GALNT1: variants seen among roughly 807,000 people sequenced by gnomAD.
GALNT1 encodes GalNAc transferase 1.
In GALNT1, 17 loss-of-function variants were observed where a neutral mutation model predicts 65.7. The observed-to-expected ratio is 0.26, with a 90% CI of 0.18 to 0.39. The LOEUF (loss-of-function observed/expected upper bound fraction) is 0.39, where lower values mean the gene tolerates loss of function less well. Among genes scored for constraint, GALNT1 ranks in the 10% least tolerant of loss-of-function variants. The pLI is 1.00. For missense variants in GALNT1, 460 were observed against 672.8 expected (o/e 0.68, Z 3.50); for synonymous variants, 210 against 219.7 (o/e 0.96, Z 0.39).
intron 11 of GALNT1, among the ~76,000 whole-genome samples, chr18:35,707,118 G>A (rs1029237593): frequency 6.6e-6 from 1 of 152,090 alleles, no homozygotes; most frequent in Admixed American, 6.5e-5. Flanking sequence ...AGTCTTGCTT[G>A]TATTACATAT....
chr18:35,675,339 G>A lies in GALNT1; in HGVS notation c.315-2252G>A, dbSNP rs184227493. On this transcript the variant is annotated intron_variant, in intron 3 of 11. Coordinates refer to ENST00000269195, the MANE Select transcript of GALNT1 (RefSeq NM_020474.4). ...CTCTATGTTTCCTCATTTGCTTTGA[G>A]AGAATATTAATTTATGAATTTGTTA... Among the ~76,000 whole-genome samples the A allele has an allele frequency of 3.3e-5, 5 of 152,234 alleles. No homozygotes were observed. In the East Asian group the frequency reaches 9.7e-4, roughly 30 times the overall value.
At chr18:35,647,147 C>T (rs1429817755) in intron 1 of GALNT1, among the ~76,000 whole-genome samples, 1 of 152,198 alleles carries the variant, frequency 6.6e-6, no homozygotes. Flanking sequence ...GCTGTAGAGC[C>T]TTTACTATTC....
At chr18:35,587,906 A>G (rs1209428352) in intron 1 of GALNT1, among the ~76,000 whole-genome samples, 1 of 152,150 alleles carries the variant, frequency 6.6e-6, no homozygotes, top group African/African-American at 2.4e-5. Context: ...ACTTTGAGCC[A>G]TGGTATGTTG....
rs370655972 is a variant in GALNT1 at position 35,692,212 on chromosome 18, G to A, written c.1191G>A (p.Ser397=). 84 of 1,610,298 alleles carry A rather than the reference G, an allele frequency of 5.2e-5. No individual in the cohort carries two copies. Among genetic ancestry groups the A allele is most frequent in the Non-Finnish European group, 6.2e-5 (73 of 1,177,574 alleles). ...GVTKVDYGDI[S]SRVGLRHKLQ... is the part of the protein sequence containing the mutation. ...CAAAGGTAGATTATGGAGATATATCGTCAAGAGTTGGTCTAAGACACAAAC... is the reference window on the plus strand; with the variant it reads ...CAAAGGTAGATTATGGAGATATATCATCAAGAGTTGGTCTAAGACACAAAC... The change falls in exon 9 of 12, where the codon TCG becomes TCA. Residue 397 remains serine, a synonymous_variant. Transcript: ENST00000269195.
chr18:35,701,156 T>C (rs961165908), intron 9 of GALNT1, among the ~76,000 whole-genome samples: 1 of 152,066 alleles, frequency 6.6e-6, no homozygotes, highest in African/African-American at 2.4e-5. Context: ...ACTGCAGCCT[T>C]GAACTCTTGG....
In GALNT1 at chr18:35,710,903, T is replaced by C. The variant is rs1429988395; in HGVS notation, c.*1133T>C. On this transcript the variant is annotated 3_prime_UTR_variant, in exon 12 of 12. Coordinates refer to ENST00000269195, the MANE Select transcript of GALNT1 (RefSeq NM_020474.4). ...ACCTTTTTCACTCCATACTCAGATA[T>C]GCTTCATTGTCAAATGCATATTTAG... is the stretch of plus-strand genomic sequence containing the variant. The C allele has an allele frequency of 1.3e-5, 2 of 152,698 alleles. No individual in the cohort carries two copies. The highest frequency in any genetic ancestry group is 2.9e-5 in the Non-Finnish European group (2 of 68,046). The allele number at this position is 152,698 out of a possible 1,614,324, so 9.5% of individuals were successfully genotyped here. A position where few individuals can be genotyped will look rare whatever the true frequency, so the allele number is the denominator to read the frequency against.
chr18:35,601,301 GT>G (rs1277053873), intron 1 of GALNT1, among the ~76,000 whole-genome samples: 3 of 151,768 alleles, frequency 2.0e-5, no homozygotes, highest in Non-Finnish European at 4.4e-5. Flanking sequence ...TTGTTTTTCA[GT>G]TTTGATTTTA....
At chr18:35,653,547 C>T (rs2047337084) in intron 1 of GALNT1, among the ~76,000 whole-genome samples, 1 of 152,200 alleles carries the variant, frequency 6.6e-6, no homozygotes. Context: ...TTCCTCACTC[C>T]ACTTCATAGG....
At chr18:35,686,718 G>T (rs192703407) in intron 5 of GALNT1, among the ~76,000 whole-genome samples, 3 of 151,962 alleles carry the variant, frequency 2.0e-5, no homozygotes, top group Admixed American at 2.0e-4. Flanking sequence ...GAAGATTAAA[G>T]TCTTAAATAT....
At chr18:35,645,851 T>A (rs947881615) in intron 1 of GALNT1, among the ~76,000 whole-genome samples, 20 of 152,326 alleles carry the variant, frequency 1.3e-4, no homozygotes, top group East Asian at 1.9e-4. Context: ...ATTAAAGAAT[T>A]CCCTTTCTAG....
At chr18:35,615,835 A>G (rs567688945) in intron 1 of GALNT1, among the ~76,000 whole-genome samples, 1 of 152,342 alleles carries the variant, frequency 6.6e-6, no homozygotes, top group Non-Finnish European at 1.5e-5. Flanking sequence ...CAAAATTGTA[A>G]AAGTTGGACA....
At chr18:35,680,504 A>G (rs1183152309) in intron 4 of GALNT1, among the ~76,000 whole-genome samples, 1 of 152,216 alleles carries the variant, frequency 6.6e-6, no homozygotes, top group Non-Finnish European at 1.5e-5. Context: ...AGTGCCTGTT[A>G]TATAACAACA....
In GALNT1 at chr18:35,703,576, A is replaced by G. The variant is rs2048203524; in HGVS notation, c.1466A>G (p.Asn489Ser). The change falls in exon 11 of 12, where the codon AAT becomes AGT. Residue 489 changes from asparagine (N) to serine (S), a missense_variant. Coordinates refer to ENST00000269195, the MANE Select transcript of GALNT1 (RefSeq NM_020474.4). ...CTTTGCTTGGATGTTTCCAAACTTA[A>G]TGGCCCAGTTACAATGCTCAAATGC... ...DDLCLDVSKLNGPVTMLKCHH... is the reference protein window; with the variant it reads ...DDLCLDVSKLSGPVTMLKCHH... 1.2e-6 allele frequency: 2 copies of G among 1,613,888 alleles called. No homozygotes were observed. The highest frequency in any genetic ancestry group is 2.2e-5 in the East Asian group (1 of 44,870).
intron 1 of GALNT1, among the ~76,000 whole-genome samples, 184 bp downstream of exon 1, chr18:35,582,046 C>G (rs1439602705): frequency 6.6e-6 from 1 of 152,024 alleles, no homozygotes; most frequent in Admixed American, 6.5e-5. Flanking sequence ...GTTGGACACG[C>G]GGCGTCTCTG....
intron 1 of GALNT1, among the ~76,000 whole-genome samples, chr18:35,591,096 A>G (rs2046438253): frequency 6.6e-6 from 1 of 152,300 alleles, no homozygotes; most frequent in South Asian, 2.1e-4. Context: ...AGGGAAGAAA[A>G]GGGTGGTTAA....
intron 1 of GALNT1, among the ~76,000 whole-genome samples, chr18:35,615,786 C>T (rs1477263257): frequency 6.6e-6 from 1 of 152,132 alleles, no homozygotes; most frequent in Non-Finnish European, 1.5e-5. Flanking sequence ...AGCCAGTAAA[C>T]AGTTGTTTTC....
At chr18:35,693,269 A>C (rs1311429323) in intron 9 of GALNT1, among the ~76,000 whole-genome samples, 1 of 152,110 alleles carries the variant, frequency 6.6e-6, no homozygotes, top group African/African-American at 2.4e-5. Flanking sequence ...GGGAAGAACA[A>C]GTATAAAGGT....
At chr18:35,585,233 A>G (rs1381020395) in intron 1 of GALNT1, among the ~76,000 whole-genome samples, 1 of 152,004 alleles carries the variant, frequency 6.6e-6, no homozygotes, top group Non-Finnish European at 1.5e-5. Context: ...CCCCCGACAC[A>G]TGCCTCTTTC....
rs1231199176 is a variant in GALNT1, at chr18:35,695,337, G to T, written c.1299+3017G>T. Among the ~76,000 whole-genome samples the T allele has an allele frequency of 2.6e-5, 4 of 152,200 alleles. No homozygotes were observed. The East Asian group carries it at 5.8e-4, about 22-fold the overall frequency. ...GGAAGGTAGAGGAATGGGAACAAGT[G>T]CAGGGCAGCTGTAGGTTTGGAGGTG... On this transcript the variant is annotated intron_variant, in intron 9 of 11. Coordinates refer to ENST00000269195, the MANE Select transcript of GALNT1 (RefSeq NM_020474.4).
Sources: allele counts gnomAD v4.1 joint callset (sites outside exome capture counted in the v4.1 genomes callset), GRCh38; gene constraint gnomAD v4.1.1; transcripts MANE v1.5; gene names NCBI Gene and HGNC (gene_info 2026-07-23, HGNC 2026-07-21).